Variants in HUWE1 observed in about 807,000 individuals in gnomAD.
HUWE1 encodes HECT, UBA and WWE domain containing E3 ubiquitin protein ligase 1.
In HUWE1, 18 loss-of-function variants were observed where a neutral mutation model predicts 299.4. That is an observed-to-expected ratio of 0.06 (90% CI 0.04 to 0.09). The LOEUF (loss-of-function observed/expected upper bound fraction) is 0.09, where lower values mean the gene tolerates loss of function less well. HUWE1 is among the 10% of genes least tolerant of loss of function. The pLI is 1.00. For synonymous variants in HUWE1, 1,317 were observed against 1,286.1 expected (o/e 1.02, Z -0.51); for missense variants, 1,832 against 3,462.3 (o/e 0.53, Z 11.82).
intron 3 of HUWE1, 65 bp downstream of exon 3, chrX:53,679,984 C>T (rs1394069199): frequency 6.8e-6 from 2 of 294,594 alleles, no homozygotes; most frequent in African/African-American, 5.5e-5. Flanking sequence ...AATACATCCA[C>T]CCCTACTATC....
intron 3 of HUWE1, among the ~76,000 whole-genome samples, chrX:53,665,142 C>T (rs781973422): frequency 9.0e-6 from 1 of 111,265 alleles, no homozygotes; most frequent in Non-Finnish European, 1.9e-5. Flanking sequence ...GCACAGCCCA[C>T]CTTGCTACGC....
chrX:53,668,693 C>T (rs1461312948), intron 3 of HUWE1, among the ~76,000 whole-genome samples: 1 of 111,628 alleles, frequency 9.0e-6, no homozygotes, highest in East Asian at 2.8e-4. Flanking sequence ...TGTTCTATTT[C>T]TTTTGGCTCC....
At chrX:53,658,690 CAT>C (rs1557044053) in intron 3 of HUWE1, among the ~76,000 whole-genome samples, 1 of 112,006 alleles carries the variant, frequency 8.9e-6, no homozygotes, top group Non-Finnish European at 1.9e-5. Flanking sequence ...ACCGAAATTA[CAT>C]GTTTCACAAA....
At chrX:53,612,944 A>G (rs1557003779) in intron 23 of HUWE1, among the ~76,000 whole-genome samples, 1 of 111,218 alleles carries the variant, frequency 9.0e-6, no homozygotes, top group Admixed American at 9.5e-5. Flanking sequence ...CCAGGTAGGG[A>G]CGTCACATGC....
intron 23 of HUWE1, among the ~76,000 whole-genome samples, chrX:53,612,640 A>T (rs1338515164): frequency 6.2e-5 from 7 of 112,022 alleles, no homozygotes; most frequent in Non-Finnish European, 1.3e-4. Flanking sequence ...TGTATGAATA[A>T]TTTTAACAAA....
At chrX:53,662,712 A>G (rs1380451838) in intron 3 of HUWE1, among the ~76,000 whole-genome samples, 4 of 112,234 alleles carry the variant, frequency 3.6e-5, no homozygotes, top group African/African-American at 9.7e-5. Flanking sequence ...CAGCACACAT[A>G]TATTACTTGA....
intron 47 of HUWE1, 135 bp from the exon 48 acceptor site, chrX:53,569,962 TGAA>T (rs2062744697): frequency 1.7e-6 from 1 of 584,361 alleles, no homozygotes; most frequent in African/African-American, 2.2e-5. Context: ...ACTTTATAGA[TGAA>T]GAAGCCAAGG....
At chrX:53,560,935 G>A (rs1325679824) in intron 55 of HUWE1, among the ~76,000 whole-genome samples, 1 of 111,981 alleles carries the variant, frequency 8.9e-6, no homozygotes, top group African/African-American at 3.2e-5. Context: ...TAGTACCTAG[G>A]ATACAGTAGG....
intron 43 of HUWE1, among the ~76,000 whole-genome samples, chrX:53,578,646 G>C: frequency 1.1e-5 from 1 of 87,340 alleles, no homozygotes; most frequent in East Asian, 3.9e-4. Context: ...TCAGCCCCCC[G>C]CCCGGCCAGC....
chrX:53,577,468 A>AAC (rs1556959970), intron 43 of HUWE1, among the ~76,000 whole-genome samples: 4 of 98,389 alleles, frequency 4.1e-5, no homozygotes, highest in African/African-American at 1.5e-4. Context: ...AAAAAAAAAA[A>AAC]AAAAAAAACT....
At chrX:53,577,974 TGG>T (rs1569462583) in intron 43 of HUWE1, among the ~76,000 whole-genome samples, 1 of 107,742 alleles carries the variant, frequency 9.3e-6, no homozygotes, top group African/African-American at 3.5e-5. Flanking sequence ...CGTCTCTGCC[TGG>T]CCGCCCATCG....
chrX:53,656,599 ACT>A (rs2149378313), intron 3 of HUWE1, among the ~76,000 whole-genome samples: 1 of 109,250 alleles, frequency 9.2e-6, no homozygotes, highest in African/African-American at 3.3e-5. Flanking sequence ...GAGATCTAAG[ACT>A]CTAGTAAAGA....
chrX:53,678,542 T>C lies in HUWE1; in HGVS notation c.-25+1507A>G, dbSNP rs782549308. 8.1e-5 allele frequency among the ~76,000 whole-genome samples: 9 copies of C among 111,793 alleles called. No individual in the cohort carries two copies. In the East Asian group the frequency reaches 2.5e-3, roughly 31 times the overall value. ...TAAAGGACTTTATGCTAAGGAAACA[T>C]AAATTTCAGATGAAATGAAATGAAA... On this transcript the variant is annotated intron_variant, in intron 3 of 83. Coordinates refer to ENST00000262854, the MANE Select transcript of HUWE1 (RefSeq NM_031407.7).
At position 53,683,201 on chromosome X, in the gene HUWE1, T is replaced by TC. The variant is rs782036664; in HGVS notation, c.-162-3016dup. The stretch of plus-strand genomic sequence containing the variant: ...AGGAGTCACAGGGAAAAGCTTTGAC[T>TC]CCCCCCTCCCTTAAATACCAGCCTC... On this transcript the variant is annotated intron_variant, in intron 2 of 83. Coordinates refer to ENST00000262854, the MANE Select transcript of HUWE1 (RefSeq NM_031407.7). Among the ~76,000 whole-genome samples, 55 of 109,691 alleles carry TC rather than the reference T, an allele frequency of 5.0e-4. 1 individual carries two copies. In the South Asian group the frequency reaches 0.018, roughly 35 times the overall value.
At chrX:53,548,746 T>G (rs1260418619) in intron 67 of HUWE1, among the ~76,000 whole-genome samples, 1 of 112,604 alleles carries the variant, frequency 8.9e-6, no homozygotes, top group African/African-American at 3.2e-5. Context: ...TACAGCCCAG[T>G]TGTTTTGATG....
intron 43 of HUWE1, among the ~76,000 whole-genome samples, chrX:53,578,138 C>G (rs1483192499): frequency 2.1e-5 from 2 of 96,073 alleles, no homozygotes; most frequent in Non-Finnish European, 4.2e-5. Flanking sequence ...CCCGGCCGCC[C>G]ATCGTCTGAG....
chrX:53,540,021 T>C (rs955147939), intron 74 of HUWE1, among the ~76,000 whole-genome samples: 1 of 112,252 alleles, frequency 8.9e-6, no homozygotes, highest in Non-Finnish European at 1.9e-5. Flanking sequence ...ATAATGAATC[T>C]GGTTCCTCAG....
chrX:53,538,942 G>T lies in HUWE1; in HGVS notation c.11771C>A (p.Thr3924Asn). 4.1e-6 allele frequency: 5 copies of T among 1,209,194 alleles called. No individual in the cohort carries two copies. Among genetic ancestry groups the T allele is most frequent in the Non-Finnish European group, 5.6e-6 (5 of 894,480 alleles). Residue 3924 changes from threonine to asparagine, a missense_variant, in exon 76 of 84, where the codon ACC becomes AAC. Thr to Asn is a moderately conservative substitution (Grantham distance 65). Around this residue, in one of 15 missense-constraint regions of HUWE1, gnomAD observed 129 missense variants for 439.4 expected, o/e 0.29. Transcript: ENST00000262854. ...GTCAAGGGAGGAAGGCGTGGCTGGG[G>T]TTAAGGGGGCAGGGGAGAGTGGAGG... is the stretch of plus-strand genomic sequence containing the variant. ...EPPPLSPAPL[T>N]PATPSSLDPF...
intron 28 of HUWE1, 45 bp from the exon 29 acceptor site, chrX:53,600,354 C>T (rs1556989179): frequency 1.0e-6 from 1 of 966,739 alleles, no homozygotes; most frequent in South Asian, 2.1e-5. Flanking sequence ...GTAGAGCCAA[C>T]ATTTACCTGG....
Sources: gnomAD v4.1 joint callset for allele counts (sites outside exome capture counted in the v4.1 genomes callset) on GRCh38, gnomAD v4.1.1 for gene constraint, gnomAD v4.1.1 regional missense constraint, MANE v1.5 for transcripts, NCBI Gene and HGNC (gene_info 2026-07-23, HGNC 2026-07-21) for gene names.